PRR15L: variants seen among roughly 807,000 people sequenced by gnomAD.
PRR15L encodes proline rich 15 like.
Under a neutral mutation model 3.7 loss-of-function variants are expected in PRR15L, and 1 was observed. The observed-to-expected ratio is 0.27, with a 90% CI of 0.09 to 1.27. The LOEUF (loss-of-function observed/expected upper bound fraction) is 1.27, where lower values mean the gene tolerates loss of function less well. Ranked by LOEUF, PRR15L falls within the 50% of genes most tolerant of loss-of-function variation. PRR15L has a pLI of 0.47. For synonymous variants in PRR15L, 57 were observed against 51.9 expected (o/e 1.10, Z -0.42); for missense variants, 127 against 128.7 (o/e 0.99, Z 0.06).
intron 1 of PRR15L, among the ~76,000 whole-genome samples, chr17:47,955,751 G>T (rs546601482): frequency 6.6e-6 from 1 of 152,184 alleles, no homozygotes; most frequent in East Asian, 1.9e-4. Flanking sequence ...GGAAGGAGGT[G>T]GGGGAGAGCA....
At chr17:47,953,963 C>G (rs542436173) in intron 1 of PRR15L, among the ~76,000 whole-genome samples, 2 of 152,358 alleles carry the variant, frequency 1.3e-5, no homozygotes, top group African/African-American at 2.4e-5. Context: ...GCCTTTGATG[C>G]TCTTCCCAAA....
rs2036082462 is a variant in PRR15L at position 47,952,846 on chromosome 17, G to C, written c.*77C>G. ...CCACAGCTTCAGCTATGGCCAAAGAGGCCAGCGTGGCAAGGTCCTGTCTCA... is the reference window on the plus strand; with the variant it reads ...CCACAGCTTCAGCTATGGCCAAAGACGCCAGCGTGGCAAGGTCCTGTCTCA... On this transcript the variant is annotated 3_prime_UTR_variant, in exon 2 of 2. Transcript: ENST00000300557. 1 of 1,436,480 alleles carries C rather than the reference G, an allele frequency of 7.0e-7. No individual in the cohort carries two copies. Among genetic ancestry groups the C allele is most frequent in the Non-Finnish European group, 9.4e-7 (1 of 1,065,998 alleles). The allele number at this position is 1,436,480 out of a possible 1,614,324, so 89.0% of individuals were successfully genotyped here.
At chr17:47,955,994 A>C (rs2144185976) in intron 1 of PRR15L, among the ~76,000 whole-genome samples, 1 of 152,336 alleles carries the variant, frequency 6.6e-6, no homozygotes, top group East Asian at 1.9e-4. Context: ...CAGGTATTTC[A>C]AGTTGGCAAA....
rs746225999 is a variant in PRR15L, at chr17:47,953,077, G to T, written c.158C>A (p.Thr53Asn). The T allele has an allele frequency of 1.9e-6, 3 of 1,614,026 alleles. No homozygotes were observed. Among genetic ancestry groups the T allele is most frequent in the African/African-American group, 1.3e-5 (1 of 74,902 alleles). The change falls in exon 2 of 2, where the codon ACC becomes AAC. Residue 53 changes from threonine (T) to asparagine (N), a missense_variant. Transcript: ENST00000300557. Reference protein sequence around the residue: ...DAGGPNSDFNTRLEKIVDKST... With the variant: ...DAGGPNSDFNNRLEKIVDKST... ...CTTGTCCACAATCTTCTCCAGGCGG[G>T]TGTTAAAGTCGCTGTTGGGGCCTCC...
At position 47,952,809 on chromosome 17, in the gene PRR15L, T is replaced by TATC; in HGVS notation, c.*111_*113dup. ...AAAACAGCCATTTCCTGCCAGCAGGTATCAACTGGCCCCACAGCTTCAGCT... is the reference window on the plus strand; with the variant it reads ...AAAACAGCCATTTCCTGCCAGCAGGTATCATCAACTGGCCCCACAGCTTCAGCT... On this transcript the variant is annotated 3_prime_UTR_variant, in exon 2 of 2. Transcript: ENST00000300557. 9.4e-7 allele frequency: 1 copy of TATC among 1,067,342 alleles called. No homozygotes were observed. The highest frequency in any genetic ancestry group is 1.3e-6 in the Non-Finnish European group (1 of 754,182). The allele number at this position is 1,067,342 out of a possible 1,614,324, so 66.1% of individuals were successfully genotyped here. A position where few individuals can be genotyped will look rare whatever the true frequency, so the allele number is the denominator to read the frequency against.
chr17:47,954,179 C>G (rs1434934435), intron 1 of PRR15L, among the ~76,000 whole-genome samples: 1 of 152,196 alleles, frequency 6.6e-6, no homozygotes, highest in East Asian at 1.9e-4. Flanking sequence ...GGAGTCAGAT[C>G]CTCAGGCTGG....
At chr17:47,953,624 A>C (rs1484630962) in intron 1 of PRR15L, among the ~76,000 whole-genome samples, 3 of 149,920 alleles carry the variant, frequency 2.0e-5, no homozygotes, top group South Asian at 2.1e-4. Context: ...ATGCCACTGC[A>C]CTCCGGCCTG....
At chr17:47,956,857 G>T (rs1288093467) in intron 1 of PRR15L, among the ~76,000 whole-genome samples, 5 of 152,238 alleles carry the variant, frequency 3.3e-5, no homozygotes, top group Admixed American at 2.6e-4. Context: ...CAGGTGCTTG[G>T]GACTTCAAAC....
At chr17:47,957,472 A>G (rs1371095744) in intron 1 of PRR15L, among the ~76,000 whole-genome samples, 185 bp downstream of exon 1, 1 of 152,236 alleles carries the variant, frequency 6.6e-6, no homozygotes. Context: ...AAAACTACTC[A>G]GCAGGAGCTC....
rs771145059 is a variant in PRR15L, at chr17:47,952,995, C to A, written c.240G>T (p.Lys80Asn). The change falls in exon 2 of 2, where the codon AAG (lysine) becomes AAT (asparagine). Residue 80 changes from lysine to asparagine, a missense_variant. Coordinates refer to ENST00000300557, the MANE Select transcript of PRR15L (RefSeq NM_024320.4). ...VSNSGRFKEK[K>N]KVRATLAENP... ...TCTCTGCCAGCGTGGCTCTCACTTT[C>A]TTCTTCTCCTTGAAGCGTCCTGAGT... The A allele has an allele frequency of 1.2e-6, 2 of 1,614,168 alleles. No individual in the cohort carries two copies. The highest frequency in any genetic ancestry group is 1.7e-6 in the Non-Finnish European group (2 of 1,180,028).
Position 47,953,143 on chromosome 17 carries a change from G to A in PRR15L, c.92C>T (p.Ala31Val), listed in dbSNP as rs780440430. 1.2e-6 allele frequency: 2 copies of A among 1,614,048 alleles called. No individual in the cohort carries two copies. Among genetic ancestry groups the A allele is most frequent in the African/African-American group, 1.3e-5 (1 of 75,018 alleles). The part of the protein sequence containing the change: ...KVLYEIPDTY[A>V]QTEGDAEPPR... ...GGGTTCTGCATCTCCCTCTGTTTGG[G>A]CATAGGTGTCAGGGATCTCATACAG... Residue 31 changes from alanine to valine, a missense_variant, in exon 2 of 2, where the codon GCC becomes GTC. Ala to Val is a moderately conservative substitution (Grantham distance 64). Coordinates refer to ENST00000300557, the MANE Select transcript of PRR15L (RefSeq NM_024320.4).
intron 1 of PRR15L, among the ~76,000 whole-genome samples, chr17:47,956,682 C>G (rs536239174): frequency 6.6e-6 from 1 of 152,290 alleles, no homozygotes; most frequent in Non-Finnish European, 1.5e-5. Flanking sequence ...AAATAGTCAT[C>G]ATAAAAGATA....
At chr17:47,955,270 C>G (rs1448661149) in intron 1 of PRR15L, among the ~76,000 whole-genome samples, 1 of 152,064 alleles carries the variant, frequency 6.6e-6, no homozygotes, top group Admixed American at 6.6e-5. Flanking sequence ...GATGCTTTCT[C>G]TTCTCTAGTT....
intron 1 of PRR15L, among the ~76,000 whole-genome samples, chr17:47,956,338 G>A (rs1454881490): frequency 2.0e-5 from 3 of 152,188 alleles, no homozygotes; most frequent in South Asian, 2.1e-4. Flanking sequence ...CGGATGTTGT[G>A]TCATATGCCT....
intron 1 of PRR15L, among the ~76,000 whole-genome samples, chr17:47,953,768 A>C (rs890492344): frequency 2.0e-5 from 3 of 152,148 alleles, no homozygotes; most frequent in Middle Eastern, 3.2e-3. Flanking sequence ...GCTTTTGGAG[A>C]GTGTGAGACA....
chr17:47,957,316 A>C (rs2036141099), intron 1 of PRR15L, among the ~76,000 whole-genome samples: 2 of 152,244 alleles, frequency 1.3e-5, no homozygotes, highest in Admixed American at 6.5e-5. Context: ...ATCCCTCTGC[A>C]GGGCCCCAAT....
intron 1 of PRR15L, among the ~76,000 whole-genome samples, chr17:47,955,033 G>C (rs1026790444): frequency 1.3e-5 from 2 of 150,822 alleles, no homozygotes; most frequent in African/African-American, 4.9e-5. Context: ...AGGTTCAAGC[G>C]ATTCTCCTGC....
In PRR15L at chr17:47,953,484, T is replaced by TCC. The variant is rs1043983112; in HGVS notation, c.-29-223_-29-222dup. Among the ~76,000 whole-genome samples the TCC allele has an allele frequency of 8.6e-5, 13 of 151,836 alleles. No homozygotes were observed. In the South Asian group the frequency reaches 1.7e-3, roughly 19 times the overall value. ...GACAGGCCTGGCCAACATGGTGAAATCCCGGCTCTACTAAAAATACAAAAA... is the reference window on the plus strand; with the variant it reads ...GACAGGCCTGGCCAACATGGTGAAATCCCCCGGCTCTACTAAAAATACAAAAA... On this transcript the variant is annotated intron_variant, in intron 1 of 1. Coordinates refer to ENST00000300557, the MANE Select transcript of PRR15L (RefSeq NM_024320.4).
At chr17:47,956,485 C>CA (rs764562211) in intron 1 of PRR15L, among the ~76,000 whole-genome samples, 29 of 151,690 alleles carry the variant, frequency 1.9e-4, no homozygotes, top group Admixed American at 1.7e-3. Context: ...AAAACAACAA[C>CA]AACAAAAAAA....
Sources: allele counts gnomAD v4.1 joint callset (sites outside exome capture counted in the v4.1 genomes callset), GRCh38; gene constraint gnomAD v4.1.1; transcripts MANE v1.5; gene names NCBI Gene and HGNC (gene_info 2026-07-23, HGNC 2026-07-21).